LDLRAD4: variants seen among roughly 807,000 people sequenced by gnomAD.
The protein encoded by LDLRAD4 is low-density lipoprotein receptor class A domain-containing protein 4.
Under a neutral mutation model 17.0 loss-of-function variants are expected in LDLRAD4, and 5 were observed. The observed-to-expected ratio is 0.29, with a 90% confidence interval of 0.15 to 0.62. LDLRAD4 has a LOEUF of 0.62. Among genes scored for constraint, LDLRAD4 ranks in the 20% least tolerant of loss-of-function variants. The pLI, the probability that LDLRAD4 is intolerant of heterozygous loss-of-function variation, is 0.84. For missense variants in LDLRAD4, 340 were observed against 424.7 expected (o/e 0.80, Z 1.75); for synonymous variants, 168 against 171.8 (o/e 0.98, Z 0.17).
At chr18:13,244,332 C>G (rs1157630261) in intron 1 of LDLRAD4, among the ~76,000 whole-genome samples, 1 of 151,186 alleles carries the variant, frequency 6.6e-6, no homozygotes, top group Non-Finnish European at 1.5e-5. Context: ...CCATCCAACC[C>G]ACGAATCCAC....
At chr18:13,304,087 C>T (rs1437432316) in intron 1 of LDLRAD4, among the ~76,000 whole-genome samples, 1 of 152,190 alleles carries the variant, frequency 6.6e-6, no homozygotes, top group African/African-American at 2.4e-5. Context: ...TCTGGTCCCC[C>T]CGGGAGGCAG....
chr18:13,268,322 CT>C (rs2044337030), intron 1 of LDLRAD4, among the ~76,000 whole-genome samples: 1 of 152,146 alleles, frequency 6.6e-6, no homozygotes, highest in South Asian at 2.1e-4. Context: ...GGATTCTGGC[CT>C]AGTGGGAGAT....
intron 3 of LDLRAD4, among the ~76,000 whole-genome samples, chr18:13,592,611 T>C (rs2095043447): frequency 6.6e-6 from 1 of 152,190 alleles, no homozygotes. Flanking sequence ...CCTGGTTCTA[T>C]GTGGTCAACC....
rs2094146618 is a variant in LDLRAD4, at chr18:13,532,716, A to G, written c.182-88401A>G. Among the ~76,000 whole-genome samples the G allele has an allele frequency of 3.9e-5, 6 of 152,352 alleles. No individual in the cohort carries two copies. The South Asian group carries it at 1.2e-3, about 32-fold the overall frequency. On this transcript the variant is annotated intron_variant, in intron 3 of 5. Transcript: ENST00000359446. ...ACCTTCATCGGACTTGGCAGGACAG[A>G]GGCATGTTCATCTGTGTAATCAGGT...
chr18:13,532,225 G>C (rs528909832), intron 3 of LDLRAD4, among the ~76,000 whole-genome samples: 2 of 152,324 alleles, frequency 1.3e-5, no homozygotes, highest in Non-Finnish European at 2.9e-5. Context: ...ATTGCCTTCA[G>C]AGGGTAAGAG....
At chr18:13,496,380 A>G (rs1316679792) in intron 3 of LDLRAD4, among the ~76,000 whole-genome samples, 2 of 152,140 alleles carry the variant, frequency 1.3e-5, no homozygotes, top group African/African-American at 2.4e-5. Flanking sequence ...TCTTGATTCT[A>G]TTAAAAGATT....
chr18:13,460,963 C>T (rs1256079520), intron 3 of LDLRAD4: 2 of 152,282 alleles, frequency 1.3e-5, no homozygotes, highest in Non-Finnish European at 2.9e-5. Flanking sequence ...GTGCCTGGAA[C>T]AGCCTGCCAT....
chr18:13,519,706 A>C (rs903838049), intron 3 of LDLRAD4: 1 of 152,226 alleles, frequency 6.6e-6, no homozygotes, highest in Admixed American at 6.5e-5. Context: ...TGGAGGTTGC[A>C]GTGAGCCGAA....
chr18:13,553,606 T>C (rs552897706), intron 3 of LDLRAD4, among the ~76,000 whole-genome samples: 91 of 152,234 alleles, frequency 6.0e-4, no homozygotes, highest in Non-Finnish European at 1.2e-3. Flanking sequence ...CAGGGAGTGA[T>C]TCCCATTAAT....
intron 4 of LDLRAD4, among the ~76,000 whole-genome samples, chr18:13,632,235 C>G (rs2041727324): frequency 6.6e-6 from 1 of 152,198 alleles, no homozygotes; most frequent in Admixed American, 6.5e-5. Context: ...ATTGCTCATG[C>G]CCACTGGGCT....
At position 13,422,295 on chromosome 18, in the gene LDLRAD4, T is replaced by A. The variant is rs2089542240; in HGVS notation, c.41-15949T>A. On this transcript the variant is annotated intron_variant, in intron 2 of 5. Transcript: ENST00000359446. ...AAGACTAGACAGAGAGAGATGGTGA[T>A]GTGAGCTTCAGCCCCAAATCCGGAG... 1.3e-5 allele frequency among the ~76,000 whole-genome samples: 2 copies of A among 152,170 alleles called. 1 individual carries two copies. Among genetic ancestry groups the A allele is most frequent in the South Asian group, 4.1e-4 (2 of 4,826 alleles).
chr18:13,262,905 C>T (rs112954586), intron 1 of LDLRAD4, among the ~76,000 whole-genome samples: 2 of 121,362 alleles, frequency 1.6e-5, no homozygotes, highest in Non-Finnish European at 1.7e-5. Context: ...GAGTCCCGTG[C>T]GGCCCTGTGC....
At chr18:13,256,188 T>C (rs1325722893) in intron 1 of LDLRAD4, among the ~76,000 whole-genome samples, 1 of 152,090 alleles carries the variant, frequency 6.6e-6, no homozygotes, top group East Asian at 1.9e-4. Flanking sequence ...AATGAGACAG[T>C]GATTATATAT....
At chr18:13,327,031 C>G (rs2081574851) in intron 1 of LDLRAD4, among the ~76,000 whole-genome samples, 1 of 152,152 alleles carries the variant, frequency 6.6e-6, no homozygotes, top group African/African-American at 2.4e-5. Flanking sequence ...TCCTTGGCAT[C>G]TGGGTCTCCC....
intron 3 of LDLRAD4, among the ~76,000 whole-genome samples, chr18:13,582,325 T>A (rs2094872760): frequency 6.6e-6 from 1 of 152,248 alleles, no homozygotes; most frequent in South Asian, 2.1e-4. Context: ...CTGTGTGCAC[T>A]GTGCTGGACC....
intron 1 of LDLRAD4, among the ~76,000 whole-genome samples, chr18:13,244,643 C>T (rs1032557562): frequency 7.2e-5 from 11 of 152,096 alleles, no homozygotes; most frequent in African/African-American, 1.7e-4. Flanking sequence ...TAGTCATTTA[C>T]GTTTACACCT....
intron 3 of LDLRAD4, among the ~76,000 whole-genome samples, chr18:13,572,203 A>G (rs1186050371): frequency 2.0e-5 from 3 of 152,234 alleles, no homozygotes; most frequent in Non-Finnish European, 4.4e-5. Context: ...GCCTTAAGTG[A>G]GCATGTACTA....
intron 1 of LDLRAD4, among the ~76,000 whole-genome samples, chr18:13,355,409 G>A (rs1042018730): frequency 6.6e-6 from 1 of 152,218 alleles, no homozygotes; most frequent in Non-Finnish European, 1.5e-5. Flanking sequence ...CTTCTAAGGA[G>A]TTTCTATCAT....
In LDLRAD4 at chr18:13,625,940, A is replaced by C. The variant is rs552575598; in HGVS notation, c.336+4669A>C. Among the ~76,000 whole-genome samples the C allele has an allele frequency of 5.3e-5, 8 of 150,468 alleles. No homozygotes were observed. In the South Asian group the frequency reaches 1.5e-3, roughly 28 times the overall value. ...CATGTCCCTTGGCCTGGGACAGTGC[A>C]TGCTGCATGAACGTGATGGGTGTCC... On this transcript the variant is annotated intron_variant, in intron 4 of 5. Transcript: ENST00000359446.
Sources: allele counts gnomAD v4.1 joint callset (sites outside exome capture counted in the v4.1 genomes callset), GRCh38; gene constraint gnomAD v4.1.1; transcripts MANE v1.5; gene names NCBI Gene and HGNC (gene_info 2026-07-23, HGNC 2026-07-21).